MCM3AP: variants seen among roughly 807,000 people sequenced by gnomAD.
The protein encoded by MCM3AP is minichromosome maintenance complex component 3 associated protein.
In MCM3AP, 126 loss-of-function variants were observed where a neutral mutation model predicts 184.1. The ratio of observed to expected loss-of-function variants is 0.68; its 90% CI spans 0.59 to 0.79. The LOEUF is 0.79. Among genes scored for constraint, MCM3AP ranks in the 30% least tolerant of loss-of-function variants. MCM3AP has a pLI of 0.00. For synonymous variants in MCM3AP, 1,002 were observed against 979.3 expected, an observed-to-expected ratio of 1.02 and a Z score of -0.43; for missense variants, 2,496 against 2,479.2, an observed-to-expected ratio of 1.01 and a Z score of -0.14.
In MCM3AP at chr21:46,246,467, C is replaced by G. The variant is rs763193391; in HGVS notation, c.4550-63G>C. 9 of 1,357,590 alleles carry G rather than the reference C, an allele frequency of 6.6e-6. No individual in the cohort carries two copies. In the South Asian group the frequency reaches 9.3e-5, roughly 14 times the overall value. The allele number at this position is 1,357,590 out of a possible 1,614,324, so 84.1% of individuals were successfully genotyped here. A position where few individuals can be genotyped will look rare whatever the true frequency, so the allele number is the denominator to read the frequency against. ...GCTGTCAGCACACCTGCTAACATAT[C>G]TCACTGTGCTGACCCCACCCAGTCC... is the stretch of plus-strand genomic sequence containing the variant. On this transcript the variant is annotated intron_variant, in intron 21 of 27. Coordinates refer to ENST00000291688, the MANE Select transcript of MCM3AP (RefSeq NM_003906.5).
At chr21:46,252,665 CAG>C (rs2080892167) in intron 19 of MCM3AP, 9 of 149,622 alleles carry the variant, frequency 6.0e-5, no homozygotes, top group Admixed American at 2.0e-4. Context: ...GCCTGGGCGA[CAG>C]AGTGAGACTC....
Position 46,242,769 on chromosome 21 carries a change from A to C in MCM3AP, c.5426+33T>G, listed in dbSNP as rs1007896779. The C allele has an allele frequency of 1.8e-5, 28 of 1,579,630 alleles. No homozygotes were observed. In the African/African-American group the frequency reaches 3.7e-4, roughly 21 times the overall value. On this transcript the variant is annotated intron_variant, in intron 25 of 27. Transcript: ENST00000291688. ...CTTTGCAAGAAAAATACAGTTTAGC[A>C]AGCAACAGAAACATACTGAACATGA...
chr21:46,282,467 T>C (rs1273821513), intron 2 of MCM3AP, among the ~76,000 whole-genome samples: 1 of 152,202 alleles, frequency 6.6e-6, no homozygotes. Flanking sequence ...TATAAAGCTA[T>C]ATAACATAAG....
Position 46,242,881 on chromosome 21 carries a change from A to G in MCM3AP, c.5347T>C (p.Leu1783=), listed in dbSNP as rs541550747. 4.0e-5 allele frequency: 65 copies of G among 1,613,586 alleles called. No homozygotes were observed. In the South Asian group the frequency reaches 6.5e-4, roughly 16 times the overall value. Reference sequence around the variant, plus strand: ...GACAAAGGAACATCATATTTTTTCAAATCGTTTTTAAAAAAATACACACAT... The same window carrying G: ...GACAAAGGAACATCATATTTTTTCAGATCGTTTTTAAAAAAATACACACAT... The part of the protein sequence containing the change: ...QICVYFFKND[L]KKYDVPLSWE... The change falls in exon 25 of 28, where the codon TTG becomes CTG. Residue 1783 remains leucine, a synonymous_variant. Coordinates refer to ENST00000291688, the MANE Select transcript of MCM3AP (RefSeq NM_003906.5).
chr21:46,239,711 A>G (rs1337902363), intron 26 of MCM3AP, among the ~76,000 whole-genome samples: 4 of 152,194 alleles, frequency 2.6e-5, no homozygotes, highest in African/African-American at 9.7e-5. Context: ...AGCTGTCAGA[A>G]TAGTGATGTT....
chr21:46,261,180 T>C (rs753772768), intron 14 of MCM3AP, 100 bp downstream of exon 14: 100 of 1,457,544 alleles, frequency 6.9e-5, no homozygotes, highest in Admixed American at 5.4e-4. Context: ...GGTGGAATGG[T>C]AGCACAGTGG....
chr21:46,270,613 C>T (rs780106603), intron 8 of MCM3AP, 50 bp from the exon 9 acceptor site: 2 of 1,447,586 alleles, frequency 1.4e-6, no homozygotes, highest in Non-Finnish European at 1.9e-6. Flanking sequence ...TTAAATAAGA[C>T]AAAATTTTCA....
chr21:46,246,520 C>A, intron 21 of MCM3AP, 108 bp downstream of exon 21: 1 of 1,487,252 alleles, frequency 6.7e-7, no homozygotes. Context: ...ACAGGGGTTG[C>A]TGTCTCAGTG....
chr21:46,274,010 C>T (rs2081223478), intron 6 of MCM3AP, among the ~76,000 whole-genome samples: 1 of 152,216 alleles, frequency 6.6e-6, no homozygotes, highest in South Asian at 2.1e-4. Flanking sequence ...GCTGGCTGCC[C>T]ACCTGGGGCC....
chr21:46,283,679 G>A lies in MCM3AP; in HGVS notation c.1379C>T (p.Ala460Val). ...CCTGGTAAAGATGCGCTGCACTTTA[G>A]CAATTTTGCCAAAATGGTTCTCCAG... is the stretch of plus-strand genomic sequence containing the variant. ...TILENHFGKI[A>V]KVQRIFTRRS... The change falls in exon 2 of 28, where the codon GCT becomes GTT. Residue 460 changes from alanine to valine, a missense_variant. This residue lies in a region of MCM3AP where 800 missense variants were observed against 717.1 expected (regional missense o/e 1.12). Transcript: ENST00000291688. The A allele has an allele frequency of 6.2e-7, 1 of 1,614,178 alleles. No individual in the cohort carries two copies. The highest frequency in any genetic ancestry group is 1.3e-5 in the African/African-American group (1 of 75,044).
intron 11 of MCM3AP, among the ~76,000 whole-genome samples, 186 bp downstream of exon 11, chr21:46,265,739 C>T (rs568244856): frequency 1.3e-5 from 2 of 152,296 alleles, no homozygotes; most frequent in African/African-American, 2.4e-5. Flanking sequence ...TCAAAGCCCT[C>T]AGTCCACTCC....
At position 46,240,886 on chromosome 21, in the gene MCM3AP, C is replaced by G; in HGVS notation, c.5558G>C (p.Arg1853Pro). 6.2e-7 allele frequency: 1 copy of G among 1,614,210 alleles called. No individual in the cohort carries two copies. Among genetic ancestry groups the G allele is most frequent in the African/African-American group, 1.3e-5 (1 of 75,068 alleles). ...CAAGAGCTCCTCAGCAGAAGCTCCT[C>G]GCATCAGATCCTCTGTGCTGGGAAT... Reference protein sequence around the residue: ...GRIPSTEDLMRGASAEELLAQ... With the variant: ...GRIPSTEDLMPGASAEELLAQ... Residue 1853 changes from arginine (R) to proline (P), a missense_variant, in exon 26 of 28, where the codon CGA (arginine) becomes CCA (proline). Physicochemically the swap from Arg to Pro is moderately radical, Grantham distance 103. This residue lies in a region of MCM3AP where 1,323 missense variants were observed against 1,273.4 expected (regional missense o/e 1.04). Coordinates refer to ENST00000291688, the MANE Select transcript of MCM3AP (RefSeq NM_003906.5).
Position 46,265,431 on chromosome 21 carries a change from G to A in MCM3AP, c.3124C>T (p.Pro1042Ser), listed in dbSNP as rs540675695. Residue 1042 changes from proline to serine, a missense_variant, in exon 12 of 28, where the codon CCT becomes TCT. Around this residue, in one of 5 missense-constraint regions of MCM3AP, gnomAD observed 1,323 missense variants for 1,273.4 expected, o/e 1.04. Transcript: ENST00000291688. ...SLPAPAPSPV[P>S]LPPVLALTPS... is the part of the protein sequence containing the mutation. Reference sequence around the variant, plus strand: ...GTCAGTGCCAGGACAGGAGGCAGAGGCACTGGTGAGGGCGCAGGGGCTGGT... The same window carrying A: ...GTCAGTGCCAGGACAGGAGGCAGAGACACTGGTGAGGGCGCAGGGGCTGGT... 210 of 1,614,070 alleles carry A rather than the reference G, an allele frequency of 1.3e-4. 4 individuals carry two copies. The South Asian group carries it at 2.2e-3, about 17-fold the overall frequency.
chr21:46,265,389 T>A lies in MCM3AP; in HGVS notation c.3166A>T (p.Ser1056Cys), dbSNP rs1056441140. ...VLALTPSVAP[S>C]LFQLSVQPEP... The stretch of plus-strand genomic sequence containing the variant: ...GGCTGCACAGACAGCTGGAAGAGGC[T>A]GGGCGCCACAGACGGGGTCAGTGCC... Residue 1056 changes from serine (S) to cysteine (C), a missense_variant, in exon 12 of 28, where the codon AGC becomes TGC. By Grantham distance (112) the Ser-to-Cys change is moderately radical (BLOSUM62 -1). Around this residue, in one of 5 missense-constraint regions of MCM3AP, gnomAD observed 1,323 missense variants for 1,273.4 expected, o/e 1.04. Coordinates refer to ENST00000291688, the MANE Select transcript of MCM3AP (RefSeq NM_003906.5). The A allele has an allele frequency of 6.2e-7, 1 of 1,613,838 alleles. No individual in the cohort carries two copies. Among genetic ancestry groups the A allele is most frequent in the African/African-American group, 1.3e-5 (1 of 74,868 alleles).
At position 46,242,848 on chromosome 21, in the gene MCM3AP, G is replaced by A. The variant is rs2080692549; in HGVS notation, c.5380C>T (p.Gln1794Ter). Residue 1794 changes from glutamine (Q) to a stop codon, truncating the protein, a stop_gained, in exon 25 of 28, where the codon CAA (glutamine) becomes TAA (stop). Coordinates refer to ENST00000291688, the MANE Select transcript of MCM3AP (RefSeq NM_003906.5). LOFTEE classifies it high-confidence loss of function. ...TCCTTCTGCGTCTGCAACCTGGCTT[G>A]TTCCCACGACAAAGGAACATCATAT... is the stretch of plus-strand genomic sequence containing the variant. ...KKYDVPLSWE[Q>*]ARLQTQKELQ... 6.2e-7 allele frequency: 1 copy of A among 1,613,254 alleles called. No individual in the cohort carries two copies. The highest frequency in any genetic ancestry group is 1.7e-5 in the Admixed American group (1 of 59,918).
Position 46,283,616 on chromosome 21 carries a change from T to A in MCM3AP, c.1442A>T (p.His481Leu). The A allele has an allele frequency of 1.2e-6, 2 of 1,609,178 alleles. No homozygotes were observed. The highest frequency in any genetic ancestry group is 1.3e-5 in the African/African-American group (1 of 74,848). ...KKLAVVHFFDHASAALARKKG... is the reference protein window; with the variant it reads ...KKLAVVHFFDLASAALARKKG... ...AAATGGCAAGATGGGAGTACTCACA[T>A]GATCAAAGAAATGTACCACTGCAAG... Residue 481 changes from histidine to leucine, a missense_variant and splice_region_variant, in exon 2 of 28, where the codon CAT becomes CTT. This residue lies in a region of MCM3AP where 800 missense variants were observed against 717.1 expected (regional missense o/e 1.12). Coordinates refer to ENST00000291688, the MANE Select transcript of MCM3AP (RefSeq NM_003906.5).
intron 8 of MCM3AP, among the ~76,000 whole-genome samples, chr21:46,271,127 G>C (rs899103683): frequency 5.9e-5 from 9 of 151,410 alleles, no homozygotes; most frequent in African/African-American, 1.9e-4. Flanking sequence ...TTGTCACGTA[G>C]AAAAAGACAA....
At position 46,246,816 on chromosome 21, in the gene MCM3AP, C is replaced by T. The variant is rs2080780500; in HGVS notation, c.4361G>A (p.Ser1454Asn). The T allele has an allele frequency of 6.2e-7, 1 of 1,614,212 alleles. No homozygotes were observed. Among genetic ancestry groups the T allele is most frequent in the Non-Finnish European group, 8.5e-7 (1 of 1,180,038 alleles). ...VETQKDLLGA[S>N]GLMLLLPPKM... ...GGGGGGAAGCAGCAGCATGAGCCCA[C>T]TGGCTCCCAGGAGGTCCTTCTGTGT... Residue 1454 changes from serine (S) to asparagine (N), a missense_variant, in exon 21 of 28, where the codon AGT becomes AAT. Transcript: ENST00000291688.
In MCM3AP at chr21:46,267,162, C is replaced by A. The variant is rs1477670002; in HGVS notation, c.2629-20G>T. On this transcript the variant is annotated intron_variant, in intron 9 of 27. Transcript: ENST00000291688. ...GCGGATCTGAGAGGAGGAGCGAAATCACTGCAGTCTCAGACGAAGGCCCAG... is the reference window on the plus strand; with the variant it reads ...GCGGATCTGAGAGGAGGAGCGAAATAACTGCAGTCTCAGACGAAGGCCCAG... 1 of 1,610,312 alleles carries A rather than the reference C, an allele frequency of 6.2e-7. No homozygotes were observed. The highest frequency in any genetic ancestry group is 8.5e-7 in the Non-Finnish European group (1 of 1,178,370).
Sources: gnomAD v4.1 joint callset for allele counts (sites outside exome capture counted in the v4.1 genomes callset) on GRCh38, gnomAD v4.1.1 for gene constraint, gnomAD v4.1.1 regional missense constraint, MANE v1.5 for transcripts, NCBI Gene and HGNC (gene_info 2026-07-23, HGNC 2026-07-21) for gene names.